MOCS1: variants seen among roughly 807,000 people sequenced by gnomAD.
The protein encoded by MOCS1 is molybdenum cofactor biosynthesis protein 1.
In MOCS1, 39 loss-of-function variants were observed where a neutral mutation model predicts 57.6. The observed-to-expected ratio is 0.68, with a 90% CI of 0.52 to 0.88. The LOEUF is 0.88. MOCS1 is among the 40% of genes least tolerant of loss of function. The pLI is 0.00. For missense variants in MOCS1, 795 were observed against 831.1 expected (o/e 0.96, Z 0.53); for synonymous variants, 334 against 335.7 (o/e 1.00, Z 0.05).
intron 1 of MOCS1, among the ~76,000 whole-genome samples, chr6:39,928,908 G>C (rs1309152430): frequency 1.3e-5 from 2 of 152,168 alleles, no homozygotes; most frequent in Admixed American, 6.5e-5. Flanking sequence ...GCTTCAGTAA[G>C]TTCCTCAGCT....
chr6:39,929,181 C>T (rs1054859702), intron 1 of MOCS1, among the ~76,000 whole-genome samples: 2 of 152,164 alleles, frequency 1.3e-5, no homozygotes, highest in African/African-American at 4.8e-5. Flanking sequence ...TCTGAGAAGC[C>T]CTGCTCACCA....
chr6:39,909,051 C>A lies in MOCS1; in HGVS notation c.1150+4G>T. ...GAGTGGTTACGTACTGATGGGTCAC[C>A]CACCGATGAGGATCATGGGCCGGTT... On this transcript the variant is annotated splice_donor_region_variant and intron_variant, in intron 10 of 10. Coordinates refer to ENST00000340692, the MANE Select transcript of MOCS1 (RefSeq NM_001358530.2). 6.2e-7 allele frequency: 1 copy of A among 1,612,140 alleles called. No homozygotes were observed. The highest frequency in any genetic ancestry group is 8.5e-7 in the Non-Finnish European group (1 of 1,179,332).
intron 4 of MOCS1, among the ~76,000 whole-genome samples, chr6:39,915,452 C>T (rs1044519425): frequency 1.2e-4 from 19 of 152,142 alleles, no homozygotes; most frequent in Non-Finnish European, 2.4e-4. Context: ...CCTGAAGAGC[C>T]TTTGCCCCAA....
Position 39,904,404 on chromosome 6 carries a change from G to A in MOCS1, c.*1953C>T, listed in dbSNP as rs182121961. 4.4e-5 allele frequency: 20 copies of A among 455,736 alleles called. 1 individual carries two copies. The highest frequency in any genetic ancestry group is 1.9e-4 in the South Asian group (12 of 64,514). The allele number at this position is 455,736 out of a possible 1,614,324, so 28.2% of individuals were successfully genotyped here. Reference sequence around the variant, plus strand: ...AGTAAGAAGGGGCTGGTGCCCAGTCGGGGTGGCTGAGCTGGTCCTTAATAG... The same window carrying A: ...AGTAAGAAGGGGCTGGTGCCCAGTCAGGGTGGCTGAGCTGGTCCTTAATAG... On this transcript the variant is annotated 3_prime_UTR_variant, in exon 11 of 11. Transcript: ENST00000340692.
At chr6:39,912,162 A>G (rs1767370286) in intron 8 of MOCS1, 102 bp downstream of exon 8, 1 of 926,316 alleles carries the variant, frequency 1.1e-6, no homozygotes, top group Non-Finnish European at 1.8e-6. Context: ...CTCCCCCGAC[A>G]CCGTGCCCTG....
chr6:39,933,875 G>C (rs1346314965), intron 1 of MOCS1, among the ~76,000 whole-genome samples: 2 of 152,152 alleles, frequency 1.3e-5, no homozygotes, highest in Non-Finnish European at 2.9e-5. Context: ...TGTTTAGTCA[G>C]TCGCACTATG....
Position 39,905,680 on chromosome 6 carries a change from A to G in MOCS1, c.*677T>C, listed in dbSNP as rs1249633777. 6.4e-6 allele frequency: 3 copies of G among 471,214 alleles called. No homozygotes were observed. The highest frequency in any genetic ancestry group is 1.3e-5 in the Non-Finnish European group (3 of 227,068). The allele number at this position is 471,214 out of a possible 1,614,324, so 29.2% of individuals were successfully genotyped here. On this transcript the variant is annotated 3_prime_UTR_variant, in exon 11 of 11. Transcript: ENST00000340692. ...GCTGTGTGGTCTGGCAGGAGTCCTT[A>G]GGGCTATGGCCCATGTGTGCACATC...
intron 4 of MOCS1, 53 bp from the exon 5 acceptor site, chr6:39,913,888 C>A (rs191187918): frequency 3.0e-4 from 471 of 1,555,308 alleles, no homozygotes; most frequent in African/African-American, 1.7e-3. Context: ...CCTCTTCCCC[C>A]ACACCCCCAC....
chr6:39,931,429 T>C (rs985353978), intron 1 of MOCS1, among the ~76,000 whole-genome samples: 1 of 152,158 alleles, frequency 6.6e-6, no homozygotes, highest in African/African-American at 2.4e-5. Context: ...ATTGGGATGA[T>C]GTATACTAAG....
intron 1 of MOCS1, among the ~76,000 whole-genome samples, chr6:39,927,886 A>G (rs150646443): frequency 1.1e-3 from 174 of 151,826 alleles, no homozygotes; most frequent in African/African-American, 3.9e-3. Context: ...GAAAGGAGGG[A>G]GCCGGCTTCA....
At chr6:39,910,809 C>G (rs1562087090) in intron 8 of MOCS1, among the ~76,000 whole-genome samples, 4 of 152,186 alleles carry the variant, frequency 2.6e-5, no homozygotes, top group African/African-American at 9.7e-5. Context: ...GTGGACTTCA[C>G]CTGGTACCAC....
intron 4 of MOCS1, among the ~76,000 whole-genome samples, chr6:39,914,647 G>A (rs578232254): frequency 6.6e-6 from 1 of 152,262 alleles, no homozygotes; most frequent in East Asian, 1.9e-4. Context: ...TGTGAGACAG[G>A]GTGCCTAGAG....
chr6:39,919,478 A>G (rs1767843489), intron 3 of MOCS1, among the ~76,000 whole-genome samples: 1 of 150,698 alleles, frequency 6.6e-6, no homozygotes, highest in African/African-American at 2.5e-5. Flanking sequence ...ACAGAGTAAG[A>G]CTCTGTCTCA....
At chr6:39,921,622 T>C (rs1342509578) in intron 3 of MOCS1, among the ~76,000 whole-genome samples, 1 of 152,152 alleles carries the variant, frequency 6.6e-6, no homozygotes, top group Admixed American at 6.5e-5. Context: ...CAATCTGTCA[T>C]TGGCTTTCCA....
chr6:39,927,876 G>T (rs1415174146), intron 1 of MOCS1, among the ~76,000 whole-genome samples: 1 of 151,890 alleles, frequency 6.6e-6, no homozygotes, highest in African/African-American at 2.4e-5. Flanking sequence ...CCTGCAGAGA[G>T]AAAGGAGGGA....
In MOCS1 at chr6:39,905,693, A is replaced by G. The variant is rs148100667; in HGVS notation, c.*664T>C. ...GCAGGAGTCCTTAGGGCTATGGCCCATGTGTGCACATCCTGTTTCAGAAGA... is the reference window on the plus strand; with the variant it reads ...GCAGGAGTCCTTAGGGCTATGGCCCGTGTGTGCACATCCTGTTTCAGAAGA... On this transcript the variant is annotated 3_prime_UTR_variant, in exon 11 of 11. Coordinates refer to ENST00000340692, the MANE Select transcript of MOCS1 (RefSeq NM_001358530.2). 11 of 471,218 alleles carry G rather than the reference A, an allele frequency of 2.3e-5. No individual in the cohort carries two copies. The East Asian group carries it at 6.9e-4, about 30-fold the overall frequency. 29.2% of individuals were successfully genotyped at this position (471,218 alleles called of 1,614,324 possible).
intron 3 of MOCS1, among the ~76,000 whole-genome samples, chr6:39,919,582 A>G (rs1336901808): frequency 6.6e-6 from 1 of 152,206 alleles, no homozygotes; most frequent in Non-Finnish European, 1.5e-5. Flanking sequence ...GTATATGTAA[A>G]ACACTGTTGA....
chr6:39,907,615 A>G (rs1371431020), intron 10 of MOCS1, among the ~76,000 whole-genome samples: 1 of 152,186 alleles, frequency 6.6e-6, no homozygotes, highest in Non-Finnish European at 1.5e-5. Context: ...ATCTACTTAA[A>G]TGTTTTTCAA....
rs1766900277 is a variant in MOCS1, at chr6:39,906,097, C to T, written c.*260G>A. 1.5e-6 allele frequency: 1 copy of T among 656,624 alleles called. No individual in the cohort carries two copies. Among genetic ancestry groups the T allele is most frequent in the Non-Finnish European group, 2.8e-6 (1 of 358,728 alleles). The allele number at this position is 656,624 out of a possible 1,614,324, so 40.7% of individuals were successfully genotyped here. On this transcript the variant is annotated 3_prime_UTR_variant, in exon 11 of 11. Coordinates refer to ENST00000340692, the MANE Select transcript of MOCS1 (RefSeq NM_001358530.2). Reference sequence around the variant, plus strand: ...CTCAGTTATCTGGCATTGCTTGTTGCAGTCCCGCTCCCACGACCTTAGTGT... The same window carrying T: ...CTCAGTTATCTGGCATTGCTTGTTGTAGTCCCGCTCCCACGACCTTAGTGT...
Sources: allele counts gnomAD v4.1 joint callset (sites outside exome capture counted in the v4.1 genomes callset), GRCh38; gene constraint gnomAD v4.1.1; transcripts MANE v1.5; gene names NCBI Gene and HGNC (gene_info 2026-07-23, HGNC 2026-07-21).